Variants in EPHA6 observed in about 807,000 individuals in gnomAD.
The protein encoded by EPHA6 is EPH receptor A6.
In EPHA6, 50 loss-of-function variants were observed where a neutral mutation model predicts 112.0. The ratio of observed to expected loss-of-function variants is 0.45; its 90% confidence interval spans 0.36 to 0.56. The LOEUF (loss-of-function observed/expected upper bound fraction) is 0.56, where lower values mean the gene tolerates loss of function less well. Among genes scored for constraint, EPHA6 ranks in the 20% least tolerant of loss-of-function variants. The pLI, the probability that EPHA6 is intolerant of heterozygous loss-of-function variation, is 0.00. For synonymous variants in EPHA6, 529 were observed against 490.7 expected, an observed-to-expected ratio of 1.08 and a Z score of -1.03; for missense variants, 1,280 against 1,417.4, an observed-to-expected ratio of 0.90 and a Z score of 1.56.
At chr3:97,113,762 G>A (rs1222538751) in intron 3 of EPHA6, among the ~76,000 whole-genome samples, 1 of 151,856 alleles carries the variant, frequency 6.6e-6, no homozygotes, top group African/African-American at 2.4e-5. Context: ...TATATTGATT[G>A]CATTTGTCAT....
intron 13 of EPHA6, among the ~76,000 whole-genome samples, chr3:97,616,317 A>T (rs2093765708): frequency 6.6e-6 from 1 of 152,200 alleles, no homozygotes; most frequent in Admixed American, 6.5e-5. Context: ...GCCCACAATG[A>T]TGAGAAAGAA....
rs1035376253 is a variant in EPHA6 at position 96,910,118 on chromosome 3, G to C, written c.450+43229G>C. Among the ~76,000 whole-genome samples the C allele has an allele frequency of 3.9e-5, 6 of 151,926 alleles. No homozygotes were observed. In the South Asian group the frequency reaches 8.3e-4, roughly 21 times the overall value. ...TTGTACATCGTTCATAAATGTACTA[G>C]GTGTGCCTTCAACATATTCATAGAA... On this transcript the variant is annotated intron_variant, in intron 2 of 17. Coordinates refer to ENST00000389672, the MANE Select transcript of EPHA6 (RefSeq NM_001080448.3).
intron 3 of EPHA6, among the ~76,000 whole-genome samples, chr3:97,032,887 A>G (rs1306090303): frequency 1.3e-5 from 2 of 152,040 alleles, no homozygotes; most frequent in South Asian, 4.1e-4. Flanking sequence ...ACTGAAGTAA[A>G]GTATATGTCA....
chr3:97,312,182 A>T (rs541474407), intron 5 of EPHA6, among the ~76,000 whole-genome samples: 1 of 151,732 alleles, frequency 6.6e-6, no homozygotes, highest in Admixed American at 6.6e-5. Flanking sequence ...AATGTATAAG[A>T]TCCTTTTATT....
At chr3:97,726,643 C>A (rs6780290) in intron 15 of EPHA6, among the ~76,000 whole-genome samples, 149,334 of 152,194 alleles carry the variant, frequency 0.98, 73,286 homozygotes, top group East Asian at 0.99. Flanking sequence ...GAAGATTTTT[C>A]TTCTTTTTTA....
chr3:97,414,176 A>G (rs919808808), intron 6 of EPHA6, among the ~76,000 whole-genome samples: 1 of 152,110 alleles, frequency 6.6e-6, no homozygotes, highest in Admixed American at 6.6e-5. Flanking sequence ...TGAGTTTTGA[A>G]ATAGGAAAAT....
chr3:96,995,857 A>C (rs187299067), intron 3 of EPHA6, among the ~76,000 whole-genome samples: 16 of 152,236 alleles, frequency 1.1e-4, no homozygotes, highest in Admixed American at 1.0e-3. Flanking sequence ...CTGACAGATT[A>C]GGGTGGCAGT....
chr3:97,155,777 C>T (rs1421516196), intron 3 of EPHA6, among the ~76,000 whole-genome samples: 1 of 152,108 alleles, frequency 6.6e-6, no homozygotes, highest in Non-Finnish European at 1.5e-5. Flanking sequence ...CTCCCAGGCC[C>T]TTGCATGTGG....
chr3:96,947,940 A>T (rs1412507820), intron 2 of EPHA6, among the ~76,000 whole-genome samples: 1 of 152,186 alleles, frequency 6.6e-6, no homozygotes, highest in Non-Finnish European at 1.5e-5. Flanking sequence ...TGCATTGCCA[A>T]GACAGTCCTA....
chr3:97,732,366 G>A (rs541843255), intron 15 of EPHA6, among the ~76,000 whole-genome samples: 2 of 151,758 alleles, frequency 1.3e-5, no homozygotes, highest in East Asian at 3.9e-4. Context: ...TCTCCCACAT[G>A]CTCCCATAAC....
intron 12 of EPHA6, among the ~76,000 whole-genome samples, chr3:97,593,628 G>T (rs1387248804): frequency 6.6e-6 from 1 of 152,110 alleles, no homozygotes; most frequent in Non-Finnish European, 1.5e-5. Context: ...TCAAAAGACT[G>T]GGAAATCCAA....
intron 2 of EPHA6, among the ~76,000 whole-genome samples, chr3:96,926,435 C>G (rs2040040450): frequency 6.6e-6 from 1 of 152,152 alleles, no homozygotes; most frequent in Non-Finnish European, 1.5e-5. Context: ...CATTTCAAAA[C>G]CAATCATGCA....
At chr3:97,400,933 C>G (rs1405411158) in intron 5 of EPHA6, among the ~76,000 whole-genome samples, 4 of 151,572 alleles carry the variant, frequency 2.6e-5, no homozygotes, top group African/African-American at 9.7e-5. Flanking sequence ...ATTGTTCTGG[C>G]TAGGAATTCC....
chr3:97,448,874 C>G (rs1227125787), intron 7 of EPHA6, 144 bp downstream of exon 7: 1 of 737,824 alleles, frequency 1.4e-6, no homozygotes, highest in African/African-American at 1.8e-5. Flanking sequence ...ACAGTCATTT[C>G]AGTTAATATT....
chr3:97,511,683 T>C (rs1189534251), intron 10 of EPHA6, among the ~76,000 whole-genome samples: 1 of 152,230 alleles, frequency 6.6e-6, no homozygotes, highest in Non-Finnish European at 1.5e-5. Context: ...TGAGTCATTA[T>C]GGTATAACAT....
intron 1 of EPHA6, among the ~76,000 whole-genome samples, chr3:96,849,924 TA>T (rs1244117627): frequency 6.6e-6 from 1 of 152,170 alleles, no homozygotes; most frequent in East Asian, 1.9e-4. Flanking sequence ...AATTGCCAGC[TA>T]AAATAATTAT....
chr3:97,430,812 G>A (rs947184763), intron 6 of EPHA6, among the ~76,000 whole-genome samples: 1 of 152,050 alleles, frequency 6.6e-6, no homozygotes, highest in Non-Finnish European at 1.5e-5. Context: ...AAGGGAGGCT[G>A]AGTTAACAAC....
chr3:96,995,700 G>T (rs1387100541), intron 3 of EPHA6, among the ~76,000 whole-genome samples: 3 of 151,960 alleles, frequency 2.0e-5, no homozygotes, highest in Non-Finnish European at 4.4e-5. Flanking sequence ...TTGTCTATTA[G>T]GTTTACAATA....
At chr3:97,089,684 A>G (rs1237886746) in intron 3 of EPHA6, among the ~76,000 whole-genome samples, 2 of 152,148 alleles carry the variant, frequency 1.3e-5, no homozygotes, top group Non-Finnish European at 2.9e-5. Context: ...TATTATATGT[A>G]AATGATAATA....
Sources: gnomAD v4.1 joint callset for allele counts (sites outside exome capture counted in the v4.1 genomes callset) on GRCh38, gnomAD v4.1.1 for gene constraint, MANE v1.5 for transcripts, NCBI Gene and HGNC (gene_info 2026-07-23, HGNC 2026-07-21) for gene names.